SLC17A1: variants seen among roughly 807,000 people sequenced by gnomAD.
The protein encoded by SLC17A1 is solute carrier family 17 member 1.
SLC17A1 carries 51 observed loss-of-function variants against 53.5 expected under a neutral mutation model. That is an observed-to-expected ratio of 0.95 (90% confidence interval 0.76 to 1.20). The LOEUF (loss-of-function observed/expected upper bound fraction) is 1.20, where lower values mean the gene tolerates loss of function less well. Ranked by LOEUF, SLC17A1 falls within the 50% of genes most tolerant of loss-of-function variation. SLC17A1 has a pLI of 0.00. For synonymous variants in SLC17A1, 179 were observed against 198.8 expected, an observed-to-expected ratio of 0.90 and a Z score of 0.84; for missense variants, 538 against 568.2, an observed-to-expected ratio of 0.95 and a Z score of 0.54.
intron 12 of SLC17A1, among the ~76,000 whole-genome samples, chr6:25,792,150 T>C (rs544322501): frequency 4.6e-5 from 7 of 152,126 alleles, no homozygotes; most frequent in Non-Finnish European, 2.9e-5. Flanking sequence ...CCTTTTATAT[T>C]TGGGACTTCC....
chr6:25,824,959 C>T (rs1764690756), intron 3 of SLC17A1, among the ~76,000 whole-genome samples: 1 of 151,792 alleles, frequency 6.6e-6, no homozygotes, highest in Non-Finnish European at 1.5e-5. Context: ...TTGGGTAATG[C>T]CCTCTTTATC....
the SLC17A1 span, chr6:25,727,381 T>C: frequency 2.4e-6 from 3 of 1,253,542 alleles, no homozygotes; most frequent in Admixed American, 7.8e-5. Context: ...CGTTTTTGTG[T>C]AGTTTCTAAC....
chr6:25,819,596 C>A lies in SLC17A1; in HGVS notation c.444G>T (p.Gly148=). ...TTTCAAACTGGGCTGTTGCAACTAT[C>A]CCCTGAAATGAGAAAGGTTTGACAT... ...VCRAVQGAAQ[G]IVATAQFEIY... is the part of the protein sequence containing the mutation. Residue 148 remains glycine, a splice_region_variant and synonymous_variant, in exon 5 of 13, where the codon GGG becomes GGT. Transcript: ENST00000244527. 6.2e-7 allele frequency: 1 copy of A among 1,613,948 alleles called. No individual in the cohort carries two copies. The highest frequency in any genetic ancestry group is 8.5e-7 in the Non-Finnish European group (1 of 1,179,818).
chr6:25,725,732 C>G, the SLC17A1 span, among the ~76,000 whole-genome samples: 1 of 152,148 alleles, frequency 6.6e-6, no homozygotes, highest in Admixed American at 6.5e-5. Flanking sequence ...TCCCGAACAG[C>G]TGGGACTACA....
At chr6:25,786,053 C>A (rs1449034900) in intron 12 of SLC17A1, among the ~76,000 whole-genome samples, 2 of 152,078 alleles carry the variant, frequency 1.3e-5, no homozygotes, top group African/African-American at 2.4e-5. Flanking sequence ...TCACAGCAGC[C>A]AAAAGGTGTA....
chr6:25,786,491 G>T (rs928727462), intron 12 of SLC17A1, among the ~76,000 whole-genome samples: 2 of 152,132 alleles, frequency 1.3e-5, no homozygotes, highest in African/African-American at 4.8e-5. Flanking sequence ...TGGATTAGAT[G>T]CAGGTCACAG....
At chr6:25,731,833 C>G in the SLC17A1 span, 2 of 1,602,248 alleles carry the variant, frequency 1.2e-6, no homozygotes, top group South Asian at 1.1e-5. Context: ...TCCGACACAA[C>G]GTGCTTGGCT....
At chr6:25,819,438 T>TA (rs1764470646) in intron 5 of SLC17A1, 73 bp downstream of exon 5, 2 of 1,235,242 alleles carry the variant, frequency 1.6e-6, no homozygotes, top group Admixed American at 1.8e-5. Flanking sequence ...ACACATTTCT[T>TA]ATGGCTCTAG....
At chr6:25,734,021 G>T in the SLC17A1 span, among the ~76,000 whole-genome samples, 8 of 152,126 alleles carry the variant, frequency 5.3e-5, no homozygotes, top group South Asian at 1.7e-3. Context: ...TCACCACGAT[G>T]GTTAGGTTGA....
the SLC17A1 span, chr6:25,773,713 AT>A: frequency 6.3e-7 from 1 of 1,593,704 alleles, no homozygotes; most frequent in Admixed American, 1.7e-5. Flanking sequence ...TTCTGTTTAA[AT>A]GCTTAAATAA....
At chr6:25,781,085 T>C (rs894890547), downstream of SLC17A1, 1 of 151,836 alleles carries the variant, frequency 6.6e-6, no homozygotes, top group Non-Finnish European at 1.5e-5. Context: ...GGATGAGTCA[T>C]CCATGGGTGA....
chr6:25,778,773 G>A (rs1763146516), downstream of SLC17A1, among the ~76,000 whole-genome samples: 2 of 152,194 alleles, frequency 1.3e-5, no homozygotes, highest in African/African-American at 2.4e-5. Flanking sequence ...AGGACTCACC[G>A]TAATCACTTG....
At chr6:25,781,174 C>CAGAAAGAA (rs71811983), downstream of SLC17A1, 1 of 141,212 alleles carries the variant, frequency 7.1e-6, no homozygotes, top group African/African-American at 2.7e-5. Context: ...GGATGATTAG[C>CAGAAAGAA]AGAAAGAAAG....
At chr6:25,796,994 C>A (rs1222639926) in intron 12 of SLC17A1, among the ~76,000 whole-genome samples, 2 of 152,202 alleles carry the variant, frequency 1.3e-5, no homozygotes, top group African/African-American at 4.8e-5. Context: ...CAAGGCCAAC[C>A]CTGGCTGTGG....
the SLC17A1 span, among the ~76,000 whole-genome samples, chr6:25,725,091 G>A: frequency 1.3e-5 from 2 of 150,380 alleles, no homozygotes; most frequent in Non-Finnish European, 2.9e-5. Context: ...ATTTGGCAGC[G>A]TTACTGAATG....
At chr6:25,725,141 A>G in the SLC17A1 span, among the ~76,000 whole-genome samples, 1 of 152,094 alleles carries the variant, frequency 6.6e-6, no homozygotes, top group African/African-American at 2.4e-5. Flanking sequence ...TACAGCACAA[A>G]CTGCAAACAC....
chr6:25,731,378 C>G, the SLC17A1 span, among the ~76,000 whole-genome samples: 2 of 152,324 alleles, frequency 1.3e-5, no homozygotes, highest in East Asian at 3.9e-4. Context: ...AGCAAACAGC[C>G]TAATGCTCAG....
the SLC17A1 span, chr6:25,773,499 G>A: frequency 3.7e-6 from 6 of 1,613,658 alleles, no homozygotes; most frequent in South Asian, 2.2e-5. Flanking sequence ...ACATTGATGT[G>A]TGCTTTCTTC....
chr6:25,773,381 A>T, the SLC17A1 span: 14 of 1,613,822 alleles, frequency 8.7e-6, no homozygotes, highest in Non-Finnish European at 1.2e-5. Flanking sequence ...TTGTGTGTTC[A>T]TTGGCTCAGC....
Sources: gnomAD v4.1 joint callset for allele counts (sites outside exome capture counted in the v4.1 genomes callset) on GRCh38, gnomAD v4.1.1 for gene constraint, MANE v1.5 for transcripts, NCBI Gene and HGNC (gene_info 2026-07-23, HGNC 2026-07-21) for gene names.